SLC22A23: variants seen among roughly 807,000 people sequenced by gnomAD.
SLC22A23 encodes the protein solute carrier family 22 member 23.
Under a neutral mutation model 61.0 loss-of-function variants are expected in SLC22A23, and 26 were observed. The observed-to-expected ratio is 0.43, with a 90% confidence interval of 0.31 to 0.59. The LOEUF (loss-of-function observed/expected upper bound fraction) is 0.59. Among genes scored for constraint, SLC22A23 ranks in the 20% least tolerant of loss-of-function variants. The pLI, the probability that SLC22A23 is intolerant of heterozygous loss-of-function variation, is 0.11. For synonymous variants in SLC22A23, 430 were observed against 413.9 expected (o/e 1.04, Z -0.47); for missense variants, 796 against 934.7 (o/e 0.85, Z 1.94).
chr6:3,412,065 A>AG (rs1769294543), intron 2 of SLC22A23, among the ~76,000 whole-genome samples: 2 of 146,834 alleles, frequency 1.4e-5, no homozygotes, highest in Non-Finnish European at 3.1e-5. Flanking sequence ...ATCCTTCACT[A>AG]GGGGGGATGA....
intron 1 of SLC22A23, among the ~76,000 whole-genome samples, chr6:3,416,379 T>A (rs1769704697): frequency 6.6e-6 from 1 of 152,274 alleles, no homozygotes; most frequent in African/African-American, 2.4e-5. Context: ...GTAGTAAATG[T>A]TGAAATATGA....
At position 3,297,852 on chromosome 6, in the gene SLC22A23, C is replaced by T. The variant is rs148972572; in HGVS notation, c.1210+239G>A. Among the ~76,000 whole-genome samples, 29 of 152,302 alleles carry T rather than the reference C, an allele frequency of 1.9e-4. No homozygotes were observed. The highest frequency in any genetic ancestry group is 7.0e-4 in the African/African-American group (29 of 41,576). ...TGTATATTGGGCTCATGGCTCGCTT[C>T]TGCATTTAGACAGGAGATGAGCAGA... On this transcript the variant is annotated intron_variant, in intron 5 of 9. Coordinates refer to ENST00000406686, the MANE Select transcript of SLC22A23 (RefSeq NM_015482.2). This position sits in a 1 kb window ranked among gnomAD's most constrained non-coding sequence, Gnocchi z 4.3.
intron 5 of SLC22A23, among the ~76,000 whole-genome samples, chr6:3,293,925 C>A (rs1422755486): frequency 2.0e-5 from 3 of 152,196 alleles, no homozygotes; most frequent in Non-Finnish European, 2.9e-5. Context: ...AGCCGTGCAT[C>A]CTGGCAATGC....
chr6:3,435,261 C>T lies in SLC22A23; in HGVS notation c.655-19406G>A, dbSNP rs1771129100. Among the ~76,000 whole-genome samples the T allele has an allele frequency of 1.3e-5, 2 of 151,888 alleles. 1 individual carries two copies. The highest frequency in any genetic ancestry group is 4.2e-4 in the South Asian group (2 of 4,810). ...CTGTAAAACACTCAGCCCAGCCAAC[C>T]TGCAGCAATGAACTCTTCCTCCCCT... is the stretch of plus-strand genomic sequence containing the variant. On this transcript the variant is annotated intron_variant, in intron 1 of 9. Coordinates refer to ENST00000406686, the MANE Select transcript of SLC22A23 (RefSeq NM_015482.2).
chr6:3,311,688 T>C (rs1762375099), intron 4 of SLC22A23: 1 of 152,154 alleles, frequency 6.6e-6, no homozygotes. Context: ...TCCTTGAAAA[T>C]CTCTTGGGAG....
chr6:3,330,405 C>T lies in SLC22A23; in HGVS notation c.914-6403G>A, dbSNP rs1310098503. Among the ~76,000 whole-genome samples, 1 of 152,162 alleles carries T rather than the reference C, an allele frequency of 6.6e-6. No homozygotes were observed. The highest frequency in any genetic ancestry group is 1.5e-5 in the Non-Finnish European group (1 of 68,028). On this transcript the variant is annotated intron_variant, in intron 3 of 9. Transcript: ENST00000406686. This position sits in a 1 kb window ranked among gnomAD's most constrained non-coding sequence, Gnocchi z 4.7. ...CATCCTGGACTGCGCCCCTCCCTGG[C>T]AAAGTGGAGAACTGCAGGGAGCTTC...
intron 7 of SLC22A23, among the ~76,000 whole-genome samples, chr6:3,285,451 G>C (rs957723070): frequency 6.6e-6 from 1 of 152,214 alleles, no homozygotes; most frequent in East Asian, 1.9e-4. Flanking sequence ...CATTCAAGCT[G>C]CGTCAAGTGC....
chr6:3,336,852 A>G (rs544488426), intron 3 of SLC22A23, among the ~76,000 whole-genome samples: 1 of 143,812 alleles, frequency 7.0e-6, no homozygotes, highest in Admixed American at 7.3e-5. Context: ...GCTGGAGTGC[A>G]CTGGTGTGAT....
chr6:3,321,784 C>T (rs1406055052), intron 4 of SLC22A23, among the ~76,000 whole-genome samples: 1 of 152,050 alleles, frequency 6.6e-6, no homozygotes, highest in Non-Finnish European at 1.5e-5. Flanking sequence ...GAGGCTGTGC[C>T]CTGTTCTCCT....
At chr6:3,437,643 C>G (rs1179285644) in intron 1 of SLC22A23, among the ~76,000 whole-genome samples, 1 of 151,392 alleles carries the variant, frequency 6.6e-6, no homozygotes, top group Non-Finnish European at 1.5e-5. Context: ...GAGCTGAGAT[C>G]GTGCCACTGC....
In SLC22A23 at chr6:3,297,988, C is replaced by A; in HGVS notation, c.1210+103G>T. ...AGGCCAAAAGGTCACAGGAGAATTG[C>A]ACAGCTGGTTAAAACAGCTGTTTGT... On this transcript the variant is annotated intron_variant, in intron 5 of 9. Transcript: ENST00000406686. The surrounding 1 kb of genome is among the most constrained non-coding windows in gnomAD (Gnocchi z 4.3). 2 of 1,338,786 alleles carry A rather than the reference C, an allele frequency of 1.5e-6. No homozygotes were observed. Among genetic ancestry groups the A allele is most frequent in the Non-Finnish European group, 9.8e-7 (1 of 1,021,202 alleles). The allele number at this position is 1,338,786 out of a possible 1,614,324, so 82.9% of individuals were successfully genotyped here. A position where few individuals can be genotyped will look rare whatever the true frequency, so the allele number is the denominator to read the frequency against.
chr6:3,406,385 C>A (rs1359675269), intron 3 of SLC22A23, among the ~76,000 whole-genome samples: 1 of 152,218 alleles, frequency 6.6e-6, no homozygotes, highest in South Asian at 2.1e-4. Context: ...CACAACCAAT[C>A]ACGTCCGCCT....
chr6:3,279,366 T>C (rs1759207180), intron 9 of SLC22A23, among the ~76,000 whole-genome samples: 1 of 150,994 alleles, frequency 6.6e-6, no homozygotes, highest in Admixed American at 6.6e-5. Flanking sequence ...CAAAAATTAG[T>C]TGGGTGTGGT....
rs146696120 is a variant in SLC22A23, at chr6:3,418,956, A to C, written c.655-3101T>G. 2.4e-3 allele frequency among the ~76,000 whole-genome samples: 364 copies of C among 152,350 alleles called. 1 individual carries two copies. Among genetic ancestry groups the C allele is most frequent in the African/African-American group, 8.5e-3 (354 of 41,584 alleles). ...GGGAAAAGAAAATATGTTCAGACAC[A>C]GTATAATCTCCTAAAGAATTTCAGA... is the stretch of plus-strand genomic sequence containing the variant. On this transcript the variant is annotated intron_variant, in intron 1 of 9. Coordinates refer to ENST00000406686, the MANE Select transcript of SLC22A23 (RefSeq NM_015482.2).
intron 3 of SLC22A23, among the ~76,000 whole-genome samples, chr6:3,406,579 C>T (rs1768857057): frequency 6.6e-6 from 1 of 151,334 alleles, no homozygotes; most frequent in South Asian, 2.1e-4. Context: ...TATGTGTGTC[C>T]AGAGGCCACT....
rs182163436 is a variant in SLC22A23, at chr6:3,283,868, T to C, written c.1687A>G (p.Thr563Ala). Residue 563 changes from threonine to alanine, a missense_variant, in exon 9 of 10, where the codon ACC becomes GCC. Coordinates refer to ENST00000406686, the MANE Select transcript of SLC22A23 (RefSeq NM_015482.2). ...ATGACGCACCTTATCACCGTCGGGG[T>C]GATCTCCGCACAGAAGAACACGCTG... The part of the protein sequence containing the change: ...SLSVFFCAEI[T>A]PTVIRCGGLG... 3.1e-6 allele frequency: 5 copies of C among 1,613,546 alleles called. No homozygotes were observed. Among genetic ancestry groups the C allele is most frequent in the Admixed American group, 3.3e-5 (2 of 60,010 alleles).
At chr6:3,374,400 G>A (rs544217395) in intron 3 of SLC22A23, among the ~76,000 whole-genome samples, 2 of 152,204 alleles carry the variant, frequency 1.3e-5, no homozygotes, top group Admixed American at 1.3e-4. Flanking sequence ...ACACATGGAG[G>A]ATGGATCCTG....
intron 4 of SLC22A23, among the ~76,000 whole-genome samples, chr6:3,314,063 T>C (rs1187876044): frequency 6.6e-6 from 1 of 152,240 alleles, no homozygotes; most frequent in African/African-American, 2.4e-5. Context: ...TTAAAAGTCA[T>C]TTCAACGATA....
intron 4 of SLC22A23, among the ~76,000 whole-genome samples, chr6:3,307,679 G>A (rs1006358576): frequency 2.0e-5 from 3 of 152,248 alleles, no homozygotes; most frequent in Admixed American, 2.0e-4. Context: ...AGCACCTGCT[G>A]GGACAGCCCC....
Sources: allele counts gnomAD v4.1 joint callset (sites outside exome capture counted in the v4.1 genomes callset), GRCh38; gene constraint gnomAD v4.1.1; non-coding constraint Gnocchi (gnomAD v3.1); transcripts MANE v1.5; gene names NCBI Gene and HGNC (gene_info 2026-07-23, HGNC 2026-07-21).